The following HHIPL1 variants were observed in gnomAD, a reference collection of about 807,000 sequenced individuals.
HHIPL1 encodes HHIP like 1.
HHIPL1 carries 43 observed loss-of-function variants against 61.8 expected under a neutral mutation model. The ratio of observed to expected loss-of-function variants is 0.70; its 90% CI spans 0.55 to 0.90. The LOEUF (loss-of-function observed/expected upper bound fraction) is 0.90, where lower values mean the gene tolerates loss of function less well. Among genes scored for constraint, HHIPL1 ranks in the 40% least tolerant of loss-of-function variants. The pLI is 0.00. For synonymous variants in HHIPL1, 482 were observed against 515.8 expected (o/e 0.93, Z 0.89); for missense variants, 1,056 against 1,157.7 (o/e 0.91, Z 1.28).
Position 99,668,115 on chromosome 14 carries a change from G to A in HHIPL1, c.1649-107G>A. On this transcript the variant is annotated intron_variant, in intron 6 of 8. Transcript: ENST00000330710. The surrounding 1 kb of genome is among the most constrained non-coding windows in gnomAD (Gnocchi z 4.7). ...GGATGCCTCACGTGATGGCTAGCTG[G>A]GGTTGGGGTCTATTTCCAAGCCTGC... 5.3e-6 allele frequency: 4 copies of A among 750,150 alleles called. No individual in the cohort carries two copies. In the Admixed American group the frequency reaches 7.0e-5, roughly 13 times the overall value. 46.5% of individuals were successfully genotyped at this position (750,150 alleles called of 1,614,324 possible). A position where few individuals can be genotyped will look rare whatever the true frequency, so the allele number is the denominator to read the frequency against.
At chr14:99,627,034 T>C in the HHIPL1 span, among the ~76,000 whole-genome samples, 1 of 152,168 alleles carries the variant, frequency 6.6e-6, no homozygotes, top group Non-Finnish European at 1.5e-5. The surrounding 1 kb of genome is among the most constrained non-coding windows in gnomAD (Gnocchi z 4.4). Flanking sequence ...AGCCTGAGTC[T>C]GTCAGAGCCC....
chr14:99,634,828 G>A, the HHIPL1 span, among the ~76,000 whole-genome samples: 2 of 152,158 alleles, frequency 1.3e-5, no homozygotes, highest in African/African-American at 4.8e-5. Context: ...AGTCCGCAGC[G>A]GGAGTGCTGT....
chr14:99,629,103 T>C, the HHIPL1 span, among the ~76,000 whole-genome samples: 38 of 152,188 alleles, frequency 2.5e-4, no homozygotes, highest in Non-Finnish European at 4.9e-4. Flanking sequence ...AGGACCTTTC[T>C]TGGGGACCCA....
At chr14:99,661,088 C>T (rs565002192) in intron 5 of HHIPL1, among the ~76,000 whole-genome samples, 3 of 152,180 alleles carry the variant, frequency 2.0e-5, no homozygotes, top group Non-Finnish European at 2.9e-5. Context: ...TACATCACAA[C>T]CCTCCTTCGA....
chr14:99,651,349 T>A (rs1478415863), intron 1 of HHIPL1, among the ~76,000 whole-genome samples: 1 of 152,102 alleles, frequency 6.6e-6, no homozygotes, highest in Non-Finnish European at 1.5e-5. Context: ...CTGCAGGATG[T>A]ATAGGAAGGA....
At chr14:99,633,626 G>T in the HHIPL1 span, among the ~76,000 whole-genome samples, 1 of 152,322 alleles carries the variant, frequency 6.6e-6, no homozygotes, top group African/African-American at 2.4e-5. Context: ...AGATGAGACT[G>T]GGAAATGTTC....
chr14:99,638,550 T>G, the HHIPL1 span, among the ~76,000 whole-genome samples: 3 of 151,996 alleles, frequency 2.0e-5, no homozygotes, highest in Non-Finnish European at 4.4e-5. Context: ...CCTGGAAACG[T>G]GGGCAATGCT....
chr14:99,609,953 G>C, the HHIPL1 span, among the ~76,000 whole-genome samples: 1 of 152,220 alleles, frequency 6.6e-6, no homozygotes, highest in African/African-American at 2.4e-5. Flanking sequence ...GGAGGTTTGA[G>C]GGGAGATCAC....
the HHIPL1 span, among the ~76,000 whole-genome samples, chr14:99,634,085 G>A: frequency 1.0e-3 from 155 of 152,336 alleles, no homozygotes; most frequent in African/African-American, 3.6e-3. Flanking sequence ...CTGCAGAGGC[G>A]CGAGCACTCA....
chr14:99,637,216 GAA>G, the HHIPL1 span, among the ~76,000 whole-genome samples: 2 of 121,632 alleles, frequency 1.6e-5, no homozygotes, highest in Admixed American at 7.8e-5. Flanking sequence ...AAGAAAGAAA[GAA>G]AGAAAGAAAG....
At chr14:99,663,482 C>T (rs1047878837) in intron 6 of HHIPL1, among the ~76,000 whole-genome samples, 8 of 152,090 alleles carry the variant, frequency 5.3e-5, no homozygotes, top group Admixed American at 1.3e-4. Context: ...GCAGTGAGGA[C>T]GACCAGAGGC....
chr14:99,645,378 C>A lies in HHIPL1; in HGVS notation c.171C>A (p.Thr57=). Residue 57 remains threonine (T), a synonymous_variant, in exon 1 of 9, where the codon ACC becomes ACA. Transcript: ENST00000330710. ...CCDEGRDAEL[T]RRFWALASRV... ...ATGAGGGGCGCGACGCCGAGCTGAC[C>A]CGCCGCTTCTGGGCCCTGGCGAGCC... 6.9e-7 allele frequency: 1 copy of A among 1,445,984 alleles called. No individual in the cohort carries two copies. Among genetic ancestry groups the A allele is most frequent in the Non-Finnish European group, 9.1e-7 (1 of 1,103,302 alleles). The allele number at this position is 1,445,984 out of a possible 1,614,324, so 89.6% of individuals were successfully genotyped here. A position where few individuals can be genotyped will look rare whatever the true frequency, so the allele number is the denominator to read the frequency against.
At chr14:99,638,658 T>A in the HHIPL1 span, among the ~76,000 whole-genome samples, 1 of 152,124 alleles carries the variant, frequency 6.6e-6, no homozygotes, top group Non-Finnish European at 1.5e-5. Flanking sequence ...AGAGGTTGGG[T>A]TGAGGGAGAG....
chr14:99,675,152 C>CG lies in HHIPL1; in HGVS notation c.1875_1876insG (p.Arg626AlafsTer192). 9.0e-7 allele frequency: 1 copy of CG among 1,107,476 alleles called. No homozygotes were observed. Among genetic ancestry groups the CG allele is most frequent in the South Asian group, 3.8e-5 (1 of 26,316 alleles). The allele number at this position is 1,107,476 out of a possible 1,614,324, so 68.6% of individuals were successfully genotyped here. ...CAGCGCGGGCGCCCACGCGGGCGCCCCGCCGAGGGCGCCCCACGGCCGCTC... is the reference window on the plus strand; with the variant it reads ...CAGCGCGGGCGCCCACGCGGGCGCCCGCGCCGAGGGCGCCCCACGGCCGCTC... On this transcript the variant is annotated frameshift_variant, in exon 9 of 9. Transcript: ENST00000330710. LOFTEE classifies it low-confidence loss of function (END_TRUNC). The surrounding 1 kb of genome is among the most constrained non-coding windows in gnomAD (Gnocchi z 5.4).
chr14:99,641,219 G>A (rs540733836), upstream of HHIPL1, among the ~76,000 whole-genome samples: 6 of 151,952 alleles, frequency 3.9e-5, no homozygotes, highest in African/African-American at 7.2e-5. Context: ...TTTTGTTTTC[G>A]TAGGGCAGAT....
chr14:99,654,188 C>CAA (rs754501639), intron 2 of HHIPL1, among the ~76,000 whole-genome samples: 1,513 of 89,280 alleles, frequency 0.017, 32 homozygotes, highest in African/African-American at 0.038. Context: ...GACTCTGTCT[C>CAA]AAAAAAAAAA....
chr14:99,650,411 G>T (rs1366892554), intron 1 of HHIPL1, among the ~76,000 whole-genome samples: 1 of 152,240 alleles, frequency 6.6e-6, no homozygotes, highest in Admixed American at 6.5e-5. Flanking sequence ...GTGGGGGAGG[G>T]TGTCAGTCAC....
chr14:99,620,640 CAG>C, the HHIPL1 span, among the ~76,000 whole-genome samples: 9 of 152,250 alleles, frequency 5.9e-5, no homozygotes, highest in African/African-American at 1.7e-4. Context: ...GAAAGGGGGA[CAG>C]GGGCCACTGT....
In HHIPL1 at chr14:99,645,339, C is replaced by G; in HGVS notation, c.132C>G (p.Asp44Glu). 4 of 1,456,096 alleles carry G rather than the reference C, an allele frequency of 2.7e-6. No homozygotes were observed. The highest frequency in any genetic ancestry group is 3.6e-6 in the Non-Finnish European group (4 of 1,108,666). 90.2% of individuals were successfully genotyped at this position (1,456,096 alleles called of 1,614,324 possible). The part of the protein sequence containing the change: ...QPLRLCAQYS[D>E]FGCCDEGRDA... ...TGCGCCTCTGCGCGCAGTACTCGGA[C>G]TTCGGCTGCTGCGATGAGGGGCGCG... The change falls in exon 1 of 9, where the codon GAC becomes GAG. Residue 44 changes from aspartate to glutamate, a missense_variant. Coordinates refer to ENST00000330710, the MANE Select transcript of HHIPL1 (RefSeq NM_001127258.3).
Sources: gnomAD v4.1 joint callset for allele counts (sites outside exome capture counted in the v4.1 genomes callset) on GRCh38, gnomAD v4.1.1 for gene constraint, Gnocchi (gnomAD v3.1) non-coding constraint, MANE v1.5 for transcripts, NCBI Gene and HGNC (gene_info 2026-07-23, HGNC 2026-07-21) for gene names.